Variants in SCAF8 observed in about 807,000 individuals in gnomAD.
The protein encoded by SCAF8 is SR-related and CTD-associated factor 8.
A neutral mutation model predicts 140.5 loss-of-function variants in SCAF8; 23 were observed. The ratio of observed to expected loss-of-function variants is 0.16; its 90% CI spans 0.12 to 0.23. The LOEUF (loss-of-function observed/expected upper bound fraction) is 0.23, where lower values mean the gene tolerates loss of function less well. Among genes scored for constraint, SCAF8 ranks in the 10% least tolerant of loss-of-function variants. The pLI is 1.00. For synonymous variants in SCAF8, 575 were observed against 528.9 expected (o/e 1.09, Z -1.20); for missense variants, 1,397 against 1,555.7 (o/e 0.90, Z 1.72).
chr6:154,796,353 T>TTCTCTCTC lies in SCAF8; in HGVS notation c.606+1246_606+1253dup, dbSNP rs532893908. ...ATAATGATTCAGCATTGCAATCCTG[T>TTCTCTCTC]TCTCTCTCTCTCTCTCTCTCTCTCT... On this transcript the variant is annotated intron_variant, in intron 6 of 19. Transcript: ENST00000367178. 3.5e-3 allele frequency among the ~76,000 whole-genome samples: 262 copies of TTCTCTCTC among 75,232 alleles called. 1 individual carries two copies. The highest frequency in any genetic ancestry group is 6.7e-3 in the African/African-American group (84 of 12,612). The allele number at this position is 75,232 out of a possible 152,430, so 49.4% of individuals were successfully genotyped here.
intron 1 of SCAF8, among the ~76,000 whole-genome samples, chr6:154,737,710 A>C (rs564170438): frequency 1.3e-5 from 2 of 152,132 alleles, no homozygotes; most frequent in South Asian, 2.1e-4. Flanking sequence ...AGAAAAATTG[A>C]GACAGGTACT....
chr6:154,825,650 T>A lies in SCAF8; in HGVS notation c.2071+1272T>A, dbSNP rs572148737. ...CAGCATGGATGACAGAGTGAGACCTTGTCTCAAAAAAAAAAAAAAAAAAAA... is the reference window on the plus strand; with the variant it reads ...CAGCATGGATGACAGAGTGAGACCTAGTCTCAAAAAAAAAAAAAAAAAAAA... On this transcript the variant is annotated intron_variant, in intron 17 of 19. Transcript: ENST00000367178. Among the ~76,000 whole-genome samples, 34 of 114,004 alleles carry A rather than the reference T, an allele frequency of 3.0e-4. 1 individual carries two copies. The highest frequency in any genetic ancestry group is 1.5e-3 in the African/African-American group (33 of 22,722). The allele number at this position is 114,004 out of a possible 152,430, so 74.8% of individuals were successfully genotyped here.
At chr6:154,753,467 A>T (rs1778889573) in intron 1 of SCAF8, among the ~76,000 whole-genome samples, 2 of 151,806 alleles carry the variant, frequency 1.3e-5, no homozygotes, top group South Asian at 4.2e-4. Context: ...ACTTTGTCTC[A>T]AAAAAATAAA....
chr6:154,814,088 A>C (rs1778176024), intron 12 of SCAF8, among the ~76,000 whole-genome samples: 1 of 152,256 alleles, frequency 6.6e-6, no homozygotes, highest in Non-Finnish European at 1.5e-5. Flanking sequence ...CTGTAATTCC[A>C]GCACTTTGAA....
chr6:154,733,776 C>A lies in SCAF8; in HGVS notation c.-125C>A. On this transcript the variant is annotated 5_prime_UTR_variant, in exon 1 of 20. Transcript: ENST00000367178. ...CTTCCACTCCGCCCCGAGGTCGCAG[C>A]GGCCCGCTCTCCCGCCAGCGCCCCC... The A allele has an allele frequency of 7.3e-7, 1 of 1,371,914 alleles. No homozygotes were observed. The highest frequency in any genetic ancestry group is 9.4e-7 in the Non-Finnish European group (1 of 1,065,894). The allele number at this position is 1,371,914 out of a possible 1,614,324, so 85.0% of individuals were successfully genotyped here. A position where few individuals can be genotyped will look rare whatever the true frequency, so the allele number is the denominator to read the frequency against.
rs561789917 is a variant in SCAF8, at chr6:154,815,063, C to T, written c.1421-653C>T. On this transcript the variant is annotated intron_variant, in intron 12 of 19. Coordinates refer to ENST00000367178, the MANE Select transcript of SCAF8 (RefSeq NM_014892.5). ...CTGTTATCCCAGCGCTTTGGGAGGC[C>T]GAGGCGGACAGATCATGAGGTCAGG... 2.9e-3 allele frequency among the ~76,000 whole-genome samples: 435 copies of T among 152,164 alleles called. 3 individuals are homozygous for T. Among genetic ancestry groups the T allele is most frequent in the African/African-American group, 0.01 (425 of 41,510 alleles).
Position 154,733,818 on chromosome 6 carries a change from G to C in SCAF8, c.-83G>C. 1.3e-6 allele frequency: 2 copies of C among 1,482,154 alleles called. No individual in the cohort carries two copies. The highest frequency in any genetic ancestry group is 1.8e-6 in the Non-Finnish European group (2 of 1,120,308). The allele number at this position is 1,482,154 out of a possible 1,614,324, so 91.8% of individuals were successfully genotyped here. A position where few individuals can be genotyped will look rare whatever the true frequency, so the allele number is the denominator to read the frequency against. On this transcript the variant is annotated 5_prime_UTR_variant, in exon 1 of 20. Transcript: ENST00000367178. ...AGCGCCCCCTCCTCGCGGCCACGCA[G>C]CAGCCCGCGTCTCGCTCTCCCCACC... is the stretch of plus-strand genomic sequence containing the variant.
At chr6:154,749,333 C>T (rs1466181389) in intron 1 of SCAF8, among the ~76,000 whole-genome samples, 10 of 152,052 alleles carry the variant, frequency 6.6e-5, no homozygotes, top group Non-Finnish European at 8.8e-5. Context: ...ACAATAATAG[C>T]CTATGAAGGT....
intron 1 of SCAF8, among the ~76,000 whole-genome samples, chr6:154,736,968 CT>C (rs35276477): frequency 8.0e-5 from 12 of 149,514 alleles, no homozygotes; most frequent in African/African-American, 1.7e-4. Flanking sequence ...CAGAAAAATA[CT>C]TTTTTTTTTA....
chr6:154,819,734 T>C (rs969090549), intron 14 of SCAF8, among the ~76,000 whole-genome samples: 1 of 152,242 alleles, frequency 6.6e-6, no homozygotes, highest in Non-Finnish European at 1.5e-5. Context: ...GTAAATACTA[T>C]GTCTAATGTA....
chr6:154,826,913 T>TA (rs1778582107), intron 17 of SCAF8, among the ~76,000 whole-genome samples: 1 of 152,158 alleles, frequency 6.6e-6, no homozygotes. Flanking sequence ...TACAGCACCA[T>TA]AGAGCATGCT....
chr6:154,810,808 G>T (rs1778067971), intron 12 of SCAF8, among the ~76,000 whole-genome samples: 3 of 152,066 alleles, frequency 2.0e-5, no homozygotes, highest in South Asian at 4.2e-4. Flanking sequence ...TTTGCCTAGG[G>T]TATTCTTGGT....
At chr6:154,829,937 T>C (rs1283148381) in intron 18 of SCAF8, among the ~76,000 whole-genome samples, 1 of 152,192 alleles carries the variant, frequency 6.6e-6, no homozygotes, top group Non-Finnish European at 1.5e-5. Flanking sequence ...GTCTTTCTTT[T>C]TGTTATTGTT....
intron 3 of SCAF8, among the ~76,000 whole-genome samples, chr6:154,781,154 C>G (rs1347718260): frequency 6.6e-6 from 1 of 152,094 alleles, no homozygotes; most frequent in Non-Finnish European, 1.5e-5. Flanking sequence ...GATACAAAAT[C>G]AATGTGCAAA....
At position 154,733,500 on chromosome 6, in the gene SCAF8, G is replaced by C. The variant is rs932638115; in HGVS notation, c.-401G>C. The C allele has an allele frequency of 2.6e-5, 34 of 1,321,262 alleles. No individual in the cohort carries two copies. Among genetic ancestry groups the C allele is most frequent in the Admixed American group, 3.9e-5 (1 of 25,406 alleles). The allele number at this position is 1,321,262 out of a possible 1,614,324, so 81.8% of individuals were successfully genotyped here. Reference sequence around the variant, plus strand: ...CTGGTTCCTGCGGCCCGAGCGGCGGGGAGGTGAAACAGGAGCCCGTCGGAG... The same window carrying C: ...CTGGTTCCTGCGGCCCGAGCGGCGGCGAGGTGAAACAGGAGCCCGTCGGAG... On this transcript the variant is annotated 5_prime_UTR_variant, in exon 1 of 20. Transcript: ENST00000367178.
At chr6:154,810,308 G>T (rs1222015676) in intron 12 of SCAF8, 100 bp downstream of exon 12, 14 of 816,002 alleles carry the variant, frequency 1.7e-5, no homozygotes, top group South Asian at 6.7e-5. Context: ...TCAGATTAAG[G>T]TTAAAAGTGG....
chr6:154,746,195 G>A (rs1320719851), intron 1 of SCAF8, among the ~76,000 whole-genome samples: 1 of 152,126 alleles, frequency 6.6e-6, no homozygotes, highest in Non-Finnish European at 1.5e-5. Context: ...TAAACTCATG[G>A]ATTTTTTTCT....
intron 6 of SCAF8, among the ~76,000 whole-genome samples, chr6:154,800,521 T>TG (rs1370420442): frequency 1.3e-5 from 2 of 151,542 alleles, no homozygotes; most frequent in Non-Finnish European, 3.0e-5. Flanking sequence ...TGCTAAGCAA[T>TG]GGGGAATCAC....
intron 15 of SCAF8, 126 bp downstream of exon 15, chr6:154,820,459 A>G: frequency 1.4e-6 from 1 of 713,642 alleles, no homozygotes; most frequent in South Asian, 1.9e-5. Flanking sequence ...GAGAAAAGAT[A>G]CATTACTATG....
Sources: allele counts gnomAD v4.1 joint callset (sites outside exome capture counted in the v4.1 genomes callset), GRCh38; gene constraint gnomAD v4.1.1; transcripts MANE v1.5; gene names NCBI Gene and HGNC (gene_info 2026-07-23, HGNC 2026-07-21).